Variants in CNTN2 observed in about 807,000 individuals in gnomAD.
CNTN2 encodes contactin 2, also known as contactin-2.
In CNTN2, 53 loss-of-function variants were observed where a neutral mutation model predicts 117.5. That is an observed-to-expected ratio of 0.45 (90% CI 0.36 to 0.57). The LOEUF (loss-of-function observed/expected upper bound fraction) is 0.57. Ranked by LOEUF, CNTN2 falls within the 20% of genes least tolerant of loss-of-function variation. The probability of loss-of-function intolerance (pLI) is 0.00; values close to 1 mark genes in which losing one functional copy is unlikely to be tolerated. For synonymous variants in CNTN2, 530 were observed against 561.7 expected, an observed-to-expected ratio of 0.94 and a Z score of 0.80; for missense variants, 1,106 against 1,404.3, an observed-to-expected ratio of 0.79 and a Z score of 3.39.
Position 205,061,734 on chromosome 1 carries a change from C to A in CNTN2, c.974-131C>A. 1 of 1,214,596 alleles carries A rather than the reference C, an allele frequency of 8.2e-7. No homozygotes were observed. Among genetic ancestry groups the A allele is most frequent in the Non-Finnish European group, 1.1e-6 (1 of 877,968 alleles). 75.2% of individuals were successfully genotyped at this position (1,214,596 alleles called of 1,614,324 possible). A position where few individuals can be genotyped will look rare whatever the true frequency, so the allele number is the denominator to read the frequency against. On this transcript the variant is annotated intron_variant, in intron 8 of 22. Transcript: ENST00000331830. This position sits in a 1 kb window ranked among gnomAD's most constrained non-coding sequence, Gnocchi z 4.8. ...CTTCCGGCCCCCTCCTCTTTGTCCTCTCCATCTCAGAATGCTCATGGCGCC... is the reference window on the plus strand; with the variant it reads ...CTTCCGGCCCCCTCCTCTTTGTCCTATCCATCTCAGAATGCTCATGGCGCC...
At chr1:205,049,956 A>C (rs1315094077) in intron 1 of CNTN2, among the ~76,000 whole-genome samples, 1 of 152,126 alleles carries the variant, frequency 6.6e-6, no homozygotes, top group Non-Finnish European at 1.5e-5. Flanking sequence ...AAACAGCCCC[A>C]AGACTTCACA....
intron 2 of CNTN2, chr1:205,057,706 T>G (rs1653720372): frequency 1.5e-5 from 7 of 476,914 alleles, no homozygotes; most frequent in Non-Finnish European, 2.2e-5. Context: ...TTAAATTAAT[T>G]AAGTAATATA....
intron 1 of CNTN2, among the ~76,000 whole-genome samples, chr1:205,046,571 C>T (rs3767278): frequency 0.7 from 106,172 of 152,030 alleles, 37,305 homozygotes; most frequent in African/African-American, 0.78. Flanking sequence ...AGAGGAGGAG[C>T]AGGTTGGACC....
rs1254391562 is a variant in CNTN2, at chr1:205,058,972, T to C, written c.488-112T>C. On this transcript the variant is annotated intron_variant, in intron 5 of 22. Coordinates refer to ENST00000331830, the MANE Select transcript of CNTN2 (RefSeq NM_005076.5). The surrounding 1 kb of genome is among the most constrained non-coding windows in gnomAD (Gnocchi z 4.3). Reference sequence around the variant, plus strand: ...CTCCCCTTAGCCCCAGTTCAGAGCATGGTGGCTGTCAGGACAGGGCTTGCA... The same window carrying C: ...CTCCCCTTAGCCCCAGTTCAGAGCACGGTGGCTGTCAGGACAGGGCTTGCA... The C allele has an allele frequency of 3.2e-6, 3 of 928,156 alleles. No homozygotes were observed. The highest frequency in any genetic ancestry group is 1.6e-5 in the African/African-American group (1 of 61,410). 57.5% of individuals were successfully genotyped at this position (928,156 alleles called of 1,614,324 possible). A position where few individuals can be genotyped will look rare whatever the true frequency, so the allele number is the denominator to read the frequency against.
Position 205,066,444 on chromosome 1 carries a change from C to T in CNTN2, c.1820C>T (p.Pro607Leu), listed in dbSNP as rs140570612. ...SKEATVLVRGPPGPPGGVVVR... is the reference protein window; with the variant it reads ...SKEATVLVRGLPGPPGGVVVR... ...GTGCTCTGACCTCTTGGTGCAGGTC[C>T]GCCAGGTCCCCCAGGAGGTGTGGTG... Residue 607 changes from proline (P) to leucine (L), a missense_variant, in exon 15 of 23, where the codon CCG becomes CTG. Pro to Leu is a moderately conservative substitution (Grantham distance 98, BLOSUM62 -3). Coordinates refer to ENST00000331830, the MANE Select transcript of CNTN2 (RefSeq NM_005076.5). 63 of 1,613,470 alleles carry T rather than the reference C, an allele frequency of 3.9e-5. No homozygotes were observed. In the African/African-American group the frequency reaches 4.3e-4, roughly 11 times the overall value.
Position 205,058,670 on chromosome 1 carries a change from C to T in CNTN2, c.487+7C>T, listed in dbSNP as rs1401862191. On this transcript the variant is annotated splice_region_variant and intron_variant, in intron 5 of 22. Transcript: ENST00000331830. This position sits in a 1 kb window ranked among gnomAD's most constrained non-coding sequence, Gnocchi z 4.3. ...CCACCTGCCCACTACCCAGGTGAGT[C>T]CAGACCTGGGGCCAGGGTTAGAGAG... 2.5e-6 allele frequency: 4 copies of T among 1,608,982 alleles called. No individual in the cohort carries two copies. Among genetic ancestry groups the T allele is most frequent in the Non-Finnish European group, 3.4e-6 (4 of 1,176,216 alleles).
At position 205,072,051 on chromosome 1, in the gene CNTN2, G is replaced by A. The variant is rs772173976; in HGVS notation, c.2649G>A (p.Lys883=). The part of the protein sequence containing the change: ...ARVSGLHPNT[K]YHVTVRAYNR... ...TCAGCGGCCTGCATCCCAACACCAA[G>A]TACCATGTGACCGTGAGGGCCTACA... The change falls in exon 20 of 23, where the codon AAG becomes AAA. Residue 883 remains lysine, a synonymous_variant. Coordinates refer to ENST00000331830, the MANE Select transcript of CNTN2 (RefSeq NM_005076.5). 7.4e-6 allele frequency: 12 copies of A among 1,614,026 alleles called. No homozygotes were observed. The African/African-American group carries it at 1.6e-4, about 22-fold the overall frequency.
chr1:205,072,771 A>G, intron 21 of CNTN2, 176 bp downstream of exon 21: 1 of 675,298 alleles, frequency 1.5e-6, no homozygotes, highest in South Asian at 1.7e-5. Context: ...TTGCAGTAGA[A>G]ACTATAAAAA....
intron 1 of CNTN2, among the ~76,000 whole-genome samples, chr1:205,045,467 T>C (rs1258123929): frequency 1.3e-5 from 2 of 152,128 alleles, no homozygotes; most frequent in African/African-American, 4.8e-5. Flanking sequence ...CTTAGGAGCA[T>C]GTACATAGAC....
At position 205,077,837 on chromosome 1, in the gene CNTN2, C is replaced by T. The variant is rs1478766480; in HGVS notation, c.*4072C>T. ...CTGCACAGCTTAGAGAGGCTCACAG[C>T]TTGGCAAATGCTAGGGCTTCATCAG... is the stretch of plus-strand genomic sequence containing the variant. On this transcript the variant is annotated 3_prime_UTR_variant, in exon 23 of 23. Transcript: ENST00000331830. 1 of 152,238 alleles carries T rather than the reference C, an allele frequency of 6.6e-6. No homozygotes were observed. The highest frequency in any genetic ancestry group is 2.4e-5 in the African/African-American group (1 of 41,434). The allele number at this position is 152,238 out of a possible 1,614,324, so 9.4% of individuals were successfully genotyped here.
Position 205,059,639 on chromosome 1 carries a change from C to G in CNTN2, c.754C>G (p.Leu252Val). The G allele has an allele frequency of 1.9e-6, 3 of 1,614,150 alleles. No individual in the cohort carries two copies. The highest frequency in any genetic ancestry group is 2.2e-5 in the South Asian group (2 of 91,080). Reference sequence around the variant, plus strand: ...CCGGTTCCCAGCAGAGACCTATGCACTGGTGGGGCAGCAGGTCACCCTGGA... The same window carrying G: ...CCGGTTCCCAGCAGAGACCTATGCAGTGGTGGGGCAGCAGGTCACCCTGGA... ...KARFPAETYA[L>V]VGQQVTLECF... is the part of the protein sequence containing the mutation. The change falls in exon 7 of 23, where the codon CTG becomes GTG. Residue 252 changes from leucine to valine, a missense_variant. By Grantham distance (32) the Leu-to-Val change is conservative. Transcript: ENST00000331830. This position sits in a 1 kb window ranked among gnomAD's most constrained non-coding sequence, Gnocchi z 5.6.
intron 9 of CNTN2, 112 bp downstream of exon 9, chr1:205,062,113 G>C (rs1654021169): frequency 7.5e-7 from 1 of 1,336,292 alleles, no homozygotes; most frequent in Admixed American, 2.4e-5. Flanking sequence ...GGGCTAATTA[G>C]GGTGTCAGAG....
In CNTN2 at chr1:205,065,878, C is replaced by G. The variant is rs374726965; in HGVS notation, c.1785C>G (p.Ser595Arg). The G allele has an allele frequency of 6.3e-7, 1 of 1,592,654 alleles. No homozygotes were observed. The highest frequency in any genetic ancestry group is 1.1e-5 in the South Asian group (1 of 90,226). The change falls in exon 14 of 23, where the codon AGC (serine) becomes AGG (arginine). Residue 595 changes from serine (S) to arginine (R), a missense_variant. Transcript: ENST00000331830. The surrounding 1 kb of genome is among the most constrained non-coding windows in gnomAD (Gnocchi z 4.1). Reference protein sequence around the residue: ...YTCMAQTVVDSASKEATVLVR... With the variant: ...YTCMAQTVVDRASKEATVLVR... ...GCATGGCCCAGACGGTGGTGGACAG[C>G]GCGTCCAAGGAGGCCACAGTCCTGG... is the stretch of plus-strand genomic sequence containing the variant.
In CNTN2 at chr1:205,065,266, A is replaced by C; in HGVS notation, c.1695+4A>C. 6.2e-7 allele frequency: 1 copy of C among 1,614,074 alleles called. No individual in the cohort carries two copies. ...GCACTACCGGAGAACTAATGTGGTG[A>C]GACCTAGGGCCAGAGCCCCATGGCT... On this transcript the variant is annotated splice_donor_region_variant and intron_variant, in intron 13 of 22. Coordinates refer to ENST00000331830, the MANE Select transcript of CNTN2 (RefSeq NM_005076.5). The surrounding 1 kb of genome is among the most constrained non-coding windows in gnomAD (Gnocchi z 4.1).
At chr1:205,064,028 A>G (rs1024532581) in intron 10 of CNTN2, among the ~76,000 whole-genome samples, 1 of 150,624 alleles carries the variant, frequency 6.6e-6, no homozygotes, top group African/African-American at 2.4e-5. Flanking sequence ...GAGTTGAAAA[A>G]GCTGTTCATT....
chr1:205,049,672 G>A (rs1269060821), intron 1 of CNTN2, among the ~76,000 whole-genome samples: 1 of 152,188 alleles, frequency 6.6e-6, no homozygotes, highest in Non-Finnish European at 1.5e-5. Flanking sequence ...CCTGCCCCCA[G>A]TGAGCTCCCG....
rs1477764433 is a variant in CNTN2 at position 205,067,234 on chromosome 1, C to A, written c.2109C>A (p.Ile703=). The part of the protein sequence containing the change: ...TGEPSGPSSK[I]RTREAAPSVA... The stretch of plus-strand genomic sequence containing the variant: ...AGCCTAGTGGGCCCTCCAGCAAAAT[C>A]CGGACCAGGGAAGCAGGTGAGAGTC... Residue 703 remains isoleucine (I), a synonymous_variant, in exon 16 of 23, where the codon ATC becomes ATA. Coordinates refer to ENST00000331830, the MANE Select transcript of CNTN2 (RefSeq NM_005076.5). 1 of 1,613,306 alleles carries A rather than the reference C, an allele frequency of 6.2e-7. No individual in the cohort carries two copies. The highest frequency in any genetic ancestry group is 1.7e-5 in the Admixed American group (1 of 59,882).
rs1399406843 is a variant in CNTN2 at position 205,073,288 on chromosome 1, G to A, written c.3013+52G>A. 1.3e-6 allele frequency: 2 copies of A among 1,589,288 alleles called. No individual in the cohort carries two copies. The highest frequency in any genetic ancestry group is 2.2e-5 in the East Asian group (1 of 44,594). Reference sequence around the variant, plus strand: ...CCTCGAGAGATTCAGGATCCACCCAGATACCTGAGAGGATCATTCCCACCC... The same window carrying A: ...CCTCGAGAGATTCAGGATCCACCCAAATACCTGAGAGGATCATTCCCACCC... On this transcript the variant is annotated intron_variant, in intron 22 of 22. Transcript: ENST00000331830. This position sits in a 1 kb window ranked among gnomAD's most constrained non-coding sequence, Gnocchi z 6.3.
chr1:205,048,736 C>T lies in CNTN2; in HGVS notation c.-86-4364C>T, dbSNP rs545516211. Among the ~76,000 whole-genome samples, 1 of 152,266 alleles carries T rather than the reference C, an allele frequency of 6.6e-6. No homozygotes were observed. The highest frequency in any genetic ancestry group is 1.9e-4 in the East Asian group (1 of 5,178). On this transcript the variant is annotated intron_variant, in intron 1 of 22. Transcript: ENST00000331830. The surrounding 1 kb of genome is among the most constrained non-coding windows in gnomAD (Gnocchi z 4.1). ...GAGCGCATTCTAGGCTGCACTCGGG[C>T]GGTCGGGGAGCTCTGTAGAGGCAGT...
Sources: allele counts gnomAD v4.1 joint callset (sites outside exome capture counted in the v4.1 genomes callset), GRCh38; gene constraint gnomAD v4.1.1; non-coding constraint Gnocchi (gnomAD v3.1); transcripts MANE v1.5; gene names NCBI Gene and HGNC (gene_info 2026-07-23, HGNC 2026-07-21).